Variants in RAB3C observed in about 807,000 individuals in gnomAD.
RAB3C encodes ras-related protein Rab-3C.
In RAB3C, 17 loss-of-function variants were observed where a neutral mutation model predicts 26.4. The observed-to-expected ratio is 0.64, with a 90% CI of 0.44 to 0.97. The LOEUF is 0.97. Among genes scored for constraint, RAB3C ranks in the 50% least tolerant of loss-of-function variants. The probability of loss-of-function intolerance (pLI) is 0.00; values close to 1 mark genes in which losing one functional copy is unlikely to be tolerated. For synonymous variants in RAB3C, 91 were observed against 95.9 expected, an observed-to-expected ratio of 0.95 and a Z score of 0.30; for missense variants, 242 against 281.9, an observed-to-expected ratio of 0.86 and a Z score of 1.01.
In RAB3C at chr5:58,731,945, G is replaced by A. The variant is rs111668636; in HGVS notation, c.371+5825G>A. Among the ~76,000 whole-genome samples the A allele has an allele frequency of 5.1e-3, 783 of 152,290 alleles. 4 individuals carry two copies. Among genetic ancestry groups the A allele is most frequent in the African/African-American group, 0.017 (689 of 41,576 alleles). ...CCATGTCATGATAACACAGGTGATA[G>A]TCCAGAAGAGCCCTTGCAGAAGTGG... On this transcript the variant is annotated intron_variant, in intron 3 of 4. Coordinates refer to ENST00000282878, the MANE Select transcript of RAB3C (RefSeq NM_138453.4).
At chr5:58,747,460 C>A (rs1354415437) in intron 3 of RAB3C, among the ~76,000 whole-genome samples, 1 of 152,174 alleles carries the variant, frequency 6.6e-6, no homozygotes, top group Non-Finnish European at 1.5e-5. Context: ...AAAGCACTCA[C>A]ATTCTAACAT....
intron 2 of RAB3C, among the ~76,000 whole-genome samples, chr5:58,627,734 A>G (rs963249310): frequency 5.9e-5 from 9 of 152,202 alleles, no homozygotes; most frequent in African/African-American, 2.2e-4. Flanking sequence ...GAGATAAGAG[A>G]TAGCAAATGT....
chr5:58,766,238 TCCAGAG>T (rs1741900768), intron 3 of RAB3C, among the ~76,000 whole-genome samples: 1 of 151,544 alleles, frequency 6.6e-6, no homozygotes, highest in Non-Finnish European at 1.5e-5. Flanking sequence ...TGCCTCAGCC[TCCAGAG>T]TAGCTGGGAT....
At chr5:58,768,803 G>A (rs1481328505) in intron 3 of RAB3C, among the ~76,000 whole-genome samples, 2 of 152,076 alleles carry the variant, frequency 1.3e-5, no homozygotes, top group Non-Finnish European at 2.9e-5. Context: ...GCTAGATCAT[G>A]GGGTCCCTTT....
chr5:58,759,283 G>A (rs1397019643), intron 3 of RAB3C, among the ~76,000 whole-genome samples: 1 of 152,194 alleles, frequency 6.6e-6, no homozygotes, highest in Non-Finnish European at 1.5e-5. Context: ...TGGACAGAAA[G>A]CCTTTCTGGA....
rs2112099091 is a variant in RAB3C at position 58,858,431 on chromosome 5, G to A, written c.*7080G>A. On this transcript the variant is annotated 3_prime_UTR_variant, in exon 5 of 5. Coordinates refer to ENST00000282878, the MANE Select transcript of RAB3C (RefSeq NM_138453.4). ...TGAACCTCATATGCTCAGTGCTGTG[G>A]GAATCAAACATGGAAGAGGTATGGC... 6.6e-6 allele frequency: 1 copy of A among 152,240 alleles called. No homozygotes were observed. The highest frequency in any genetic ancestry group is 2.4e-5 in the African/African-American group (1 of 41,548). The allele number at this position is 152,240 out of a possible 1,614,324, so 9.4% of individuals were successfully genotyped here. A position where few individuals can be genotyped will look rare whatever the true frequency, so the allele number is the denominator to read the frequency against.
chr5:58,819,119 A>C (rs1396425869), intron 3 of RAB3C, among the ~76,000 whole-genome samples: 1 of 152,226 alleles, frequency 6.6e-6, no homozygotes, highest in Non-Finnish European at 1.5e-5. Flanking sequence ...GGAGACTAAT[A>C]ATGTGTTCTA....
chr5:58,686,321 A>G (rs78597710), intron 2 of RAB3C, among the ~76,000 whole-genome samples: 2,782 of 152,180 alleles, frequency 0.018, 70 homozygotes, highest in African/African-American at 0.063. Context: ...GCATTTAGAT[A>G]CACTAGTATC....
intron 2 of RAB3C, among the ~76,000 whole-genome samples, chr5:58,659,623 A>G (rs995461224): frequency 9.2e-5 from 14 of 152,224 alleles, no homozygotes; most frequent in African/African-American, 1.7e-4. Context: ...TTAGTTTTCT[A>G]CTTTCCTCCA....
At chr5:58,742,884 TA>T (rs1292389630) in intron 3 of RAB3C, among the ~76,000 whole-genome samples, 2 of 152,200 alleles carry the variant, frequency 1.3e-5, no homozygotes, top group Non-Finnish European at 2.9e-5. Context: ...TTTCTTTTTT[TA>T]ATTTTTTTTA....
At chr5:58,755,898 C>T (rs1170404260) in intron 3 of RAB3C, among the ~76,000 whole-genome samples, 4 of 152,160 alleles carry the variant, frequency 2.6e-5, no homozygotes, top group African/African-American at 9.7e-5. Context: ...TGCAAATTAA[C>T]ATCACATTCT....
chr5:58,650,079 A>G (rs924057985), intron 2 of RAB3C, among the ~76,000 whole-genome samples: 2 of 152,240 alleles, frequency 1.3e-5, no homozygotes, highest in African/African-American at 2.4e-5. Flanking sequence ...ACATCTGACC[A>G]TTACAAACTG....
At chr5:58,610,465 T>C (rs888234072) in intron 1 of RAB3C, among the ~76,000 whole-genome samples, 3 of 152,100 alleles carry the variant, frequency 2.0e-5, no homozygotes, top group Non-Finnish European at 4.4e-5. Context: ...CAGTGGTATC[T>C]CACTGGGGTC....
chr5:58,647,711 G>A (rs1747552995), intron 2 of RAB3C: 1 of 152,076 alleles, frequency 6.6e-6, no homozygotes, highest in African/African-American at 2.4e-5. Context: ...TTGCATCCAG[G>A]GTAAGTAACC....
intron 3 of RAB3C, among the ~76,000 whole-genome samples, chr5:58,757,893 A>G: frequency 6.6e-6 from 1 of 150,888 alleles, no homozygotes; most frequent in East Asian, 2.0e-4. Flanking sequence ...TTCTACTTCA[A>G]GCAAAAGCTC....
At chr5:58,765,669 C>A (rs561976961) in intron 3 of RAB3C, among the ~76,000 whole-genome samples, 5 of 152,208 alleles carry the variant, frequency 3.3e-5, no homozygotes, top group African/African-American at 1.2e-4. Flanking sequence ...ATACATCATC[C>A]TTTTAATGGA....
Position 58,848,995 on chromosome 5 carries a change from G to A in RAB3C, c.497-2169G>A, listed in dbSNP as rs571827822. Among the ~76,000 whole-genome samples the A allele has an allele frequency of 2.0e-5, 3 of 152,294 alleles. 1 individual carries two copies. The highest frequency in any genetic ancestry group is 7.2e-5 in the African/African-American group (3 of 41,562). ...GGGTTCCAGTTAAGGTTGAGAAGCTGAGATCATGTTGGCTTCTGAGATCAA... is the reference window on the plus strand; with the variant it reads ...GGGTTCCAGTTAAGGTTGAGAAGCTAAGATCATGTTGGCTTCTGAGATCAA... On this transcript the variant is annotated intron_variant, in intron 4 of 4. Coordinates refer to ENST00000282878, the MANE Select transcript of RAB3C (RefSeq NM_138453.4).
chr5:58,752,039 G>A (rs1202859796), intron 3 of RAB3C, among the ~76,000 whole-genome samples: 1 of 150,866 alleles, frequency 6.6e-6, no homozygotes, highest in East Asian at 1.9e-4. Context: ...TGCCTAAACT[G>A]TTAACAAAAT....
Position 58,797,394 on chromosome 5 carries a change from T to C in RAB3C, c.372-27644T>C, listed in dbSNP as rs1007448961. 1.8e-3 allele frequency among the ~76,000 whole-genome samples: 185 copies of C among 102,858 alleles called. 7 individuals carry two copies. Among genetic ancestry groups the C allele is most frequent in the East Asian group, 5.9e-3 (23 of 3,872 alleles). 67.5% of individuals were successfully genotyped at this position (102,858 alleles called of 152,430 possible). On this transcript the variant is annotated intron_variant, in intron 3 of 4. Transcript: ENST00000282878. ...ATATATATATATATATATATATATA[T>C]ATACACAGAGAGAGAGAGAGAAATT...
Sources: gnomAD v4.1 joint callset for allele counts (sites outside exome capture counted in the v4.1 genomes callset) on GRCh38, gnomAD v4.1.1 for gene constraint, MANE v1.5 for transcripts, NCBI Gene and HGNC (gene_info 2026-07-23, HGNC 2026-07-21) for gene names.